The following ENDOU variants were observed in gnomAD, a reference collection of about 807,000 sequenced individuals.
ENDOU encodes endonuclease, poly(U) specific, also known as uridylate-specific endoribonuclease.
Under a neutral mutation model 54.2 loss-of-function variants are expected in ENDOU, and 49 were observed. That is an observed-to-expected ratio of 0.90 (90% CI 0.72 to 1.15). The LOEUF (loss-of-function observed/expected upper bound fraction) is 1.15. Ranked by LOEUF, ENDOU falls within the 50% of genes most tolerant of loss-of-function variation. The pLI is 0.00. For synonymous variants in ENDOU, 172 were observed against 190.5 expected (o/e 0.90, Z 0.80); for missense variants, 458 against 511.4 (o/e 0.90, Z 1.01).
Position 47,716,342 on chromosome 12 carries a change from T to A in ENDOU, c.709A>T (p.Thr237Ser), listed in dbSNP as rs770480566. Residue 237 changes from threonine to serine, a missense_variant, in exon 6 of 10, where the codon ACA becomes TCA. By Grantham distance (58) the Thr-to-Ser change is moderately conservative. Coordinates refer to ENST00000422538, the MANE Select transcript of ENDOU (RefSeq NM_001172439.2). ...CTGTAGAGCTCCTTCATGACTGCTG[T>A]CTTCATGATCTCTCTGAGGAAGGCG... ...QDAFLREIMK[T>S]AVMKELYSFL... 1 of 1,614,164 alleles carries A rather than the reference T, an allele frequency of 6.2e-7. No individual in the cohort carries two copies. Among genetic ancestry groups the A allele is most frequent in the East Asian group, 2.2e-5 (1 of 44,884 alleles).
In ENDOU at chr12:47,723,802, C is replaced by A. The variant is rs771312305; in HGVS notation, c.55+1557G>T. Among the ~76,000 whole-genome samples, 13 of 152,224 alleles carry A rather than the reference C, an allele frequency of 8.5e-5. No individual in the cohort carries two copies. In the East Asian group the frequency reaches 1.3e-3, roughly 16 times the overall value. ...CATGGAGACCTAGTCAACCAAGAAGCCTCACCCCTTGGACTAGCTTCCTGC... is the reference window on the plus strand; with the variant it reads ...CATGGAGACCTAGTCAACCAAGAAGACTCACCCCTTGGACTAGCTTCCTGC... On this transcript the variant is annotated intron_variant, in intron 1 of 9. Coordinates refer to ENST00000422538, the MANE Select transcript of ENDOU (RefSeq NM_001172439.2).
At chr12:47,720,500 G>C (rs1940395821) in intron 2 of ENDOU, 1 of 353,048 alleles carries the variant, frequency 2.8e-6, no homozygotes, top group South Asian at 1.1e-4. Context: ...AAACTTTCAA[G>C]ATATTGTTAA....
chr12:47,710,706 ATCCCT>A lies in ENDOU; in HGVS notation c.*91_*95del. 1.2e-6 allele frequency: 1 copy of A among 813,260 alleles called. No individual in the cohort carries two copies. The highest frequency in any genetic ancestry group is 1.7e-5 in the African/African-American group (1 of 59,314). 50.4% of individuals were successfully genotyped at this position (813,260 alleles called of 1,614,324 possible). ...CTTCTCATTGCTTTGAGATTTGGTG[ATCCCT>A]TCCAGTCCTCTCCCTCTTCTCTCTA... On this transcript the variant is annotated 3_prime_UTR_variant, in exon 10 of 10. Transcript: ENST00000422538.
Position 47,716,510 on chromosome 12 carries a change from C to T in ENDOU, c.552-11G>A, listed in dbSNP as rs748782871. ...ACATAAGTGAAGAGTCTGGGGGAGG[C>T]AGAGGGGAGCCCCACTGAGAGCCCC... On this transcript the variant is annotated splice_polypyrimidine_tract_variant and intron_variant, in intron 5 of 9. Coordinates refer to ENST00000422538, the MANE Select transcript of ENDOU (RefSeq NM_001172439.2). 6.2e-7 allele frequency: 1 copy of T among 1,612,328 alleles called. No homozygotes were observed. The highest frequency in any genetic ancestry group is 8.5e-7 in the Non-Finnish European group (1 of 1,179,590).
In ENDOU at chr12:47,711,686, AG is replaced by A; in HGVS notation, c.1061del (p.Pro354LeufsTer22). Reference sequence around the variant, plus strand: ...GGGAGTAGAGTGCAAACTCAAACTCAGGGCTGCTGCCGATGAAAGCAGAGCC... The same window carrying A: ...GGGAGTAGAGTGCAAACTCAAACTCAGGCTGCTGCCGATGAAAGCAGAGCC... ...EVGSAFIGSS[P>X]EFEFALYSLC... On this transcript the variant is annotated frameshift_variant, in exon 9 of 10. Transcript: ENST00000422538. LOFTEE classifies it high-confidence loss of function. The A allele has an allele frequency of 1.2e-6, 2 of 1,614,138 alleles. No individual in the cohort carries two copies. The highest frequency in any genetic ancestry group is 1.7e-6 in the Non-Finnish European group (2 of 1,180,006).
rs531114209 is a variant in ENDOU at position 47,720,575 on chromosome 12, C to G, written c.178+178G>C. 1.8e-4 allele frequency: 89 copies of G among 490,130 alleles called. 2 individuals are homozygous for G. The highest frequency in any genetic ancestry group is 1.4e-3 in the East Asian group (40 of 29,452). The allele number at this position is 490,130 out of a possible 1,614,324, so 30.4% of individuals were successfully genotyped here. On this transcript the variant is annotated intron_variant, in intron 2 of 9. Transcript: ENST00000422538. Reference sequence around the variant, plus strand: ...TACTGTATTTTAAGTTGGGGGCATCCTAGAAAACCTGAGAAAAGTGGTGGC... The same window carrying G: ...TACTGTATTTTAAGTTGGGGGCATCGTAGAAAACCTGAGAAAAGTGGTGGC...
rs764093351 is a variant in ENDOU, at chr12:47,711,775, A to G, written c.973T>C (p.Trp325Arg). 5 of 1,613,990 alleles carry G rather than the reference A, an allele frequency of 3.1e-6. No homozygotes were observed. The highest frequency in any genetic ancestry group is 1.7e-5 in the Admixed American group (1 of 60,012). ...DYYSHIYDGP[W>R]DSYPDVLAMQ... ...GCCAGCACATCGGGGTAAGAATCCCACTGTGGAGGGAAGGGCAGAAAAGGG... is the reference window on the plus strand; with the variant it reads ...GCCAGCACATCGGGGTAAGAATCCCGCTGTGGAGGGAAGGGCAGAAAAGGG... The change falls in exon 9 of 10, where the codon TGG becomes CGG. Residue 325 changes from tryptophan (W) to arginine (R), a missense_variant and splice_region_variant. Coordinates refer to ENST00000422538, the MANE Select transcript of ENDOU (RefSeq NM_001172439.2).
chr12:47,725,165 A>G (rs1940546024), intron 1 of ENDOU, among the ~76,000 whole-genome samples, 194 bp downstream of exon 1: 1 of 152,196 alleles, frequency 6.6e-6, no homozygotes, highest in African/African-American at 2.4e-5. Context: ...CTCTCTCCAC[A>G]TAGTCCAGTC....
At chr12:47,717,891 C>T in intron 3 of ENDOU, 1 of 607,528 alleles carries the variant, frequency 1.6e-6, no homozygotes, top group Non-Finnish European at 2.9e-6. Context: ...AAAATAAAAT[C>T]TCTTCCACTT....
intron 6 of ENDOU, among the ~76,000 whole-genome samples, chr12:47,713,709 A>G (rs185984816): frequency 6.9e-6 from 1 of 145,138 alleles, no homozygotes; most frequent in Admixed American, 7.0e-5. Context: ...AGTAGCCCGT[A>G]ATGACGGGAA....
chr12:47,716,274 T>C, intron 6 of ENDOU, 26 bp downstream of exon 6: 1 of 1,612,300 alleles, frequency 6.2e-7, no homozygotes. Context: ...ACTCATGCGC[T>C]CTGGGGCCTG....
At chr12:47,714,353 G>A (rs977044662) in intron 6 of ENDOU, among the ~76,000 whole-genome samples, 2 of 152,236 alleles carry the variant, frequency 1.3e-5, no homozygotes, top group Non-Finnish European at 2.9e-5. Flanking sequence ...GGAATTGTAT[G>A]ATAGGACCTT....
At chr12:47,718,272 C>T in intron 2 of ENDOU, 78 bp from the exon 3 acceptor site, 3 of 1,372,766 alleles carry the variant, frequency 2.2e-6, no homozygotes, top group Non-Finnish European at 3.0e-6. Flanking sequence ...CTCTGTTTCC[C>T]CAGCCTCAGG....
intron 8 of ENDOU, among the ~76,000 whole-genome samples, chr12:47,712,000 G>A (rs901885621): frequency 5.9e-5 from 9 of 152,130 alleles, no homozygotes; most frequent in Admixed American, 5.2e-4. Flanking sequence ...ACATCTACCA[G>A]AAAGGCCAAA....
Position 47,713,399 on chromosome 12 carries a change from A to G in ENDOU, c.752-11T>C, listed in dbSNP as rs369075590. The G allele has an allele frequency of 1.2e-6, 2 of 1,607,420 alleles. No homozygotes were observed. Among genetic ancestry groups the G allele is most frequent in the Non-Finnish European group, 1.7e-6 (2 of 1,173,984 alleles). ...CTGAGCCATAGCGATCTGCAGAGGA[A>G]CACAAAGGGTTTTGGAGAGGGGAGG... On this transcript the variant is annotated splice_polypyrimidine_tract_variant and intron_variant, in intron 6 of 9. Coordinates refer to ENST00000422538, the MANE Select transcript of ENDOU (RefSeq NM_001172439.2).
intron 2 of ENDOU, 132 bp from the exon 3 acceptor site, chr12:47,718,326 G>C: frequency 1.5e-6 from 1 of 685,768 alleles, no homozygotes; most frequent in East Asian, 2.8e-5. Flanking sequence ...CAGGGGCTGG[G>C]GTCCAATGGA....
At chr12:47,712,441 A>T (rs536090761) in intron 8 of ENDOU, 75 bp downstream of exon 8, 85 of 996,576 alleles carry the variant, frequency 8.5e-5, no homozygotes, top group Non-Finnish European at 1.3e-4. Flanking sequence ...CTGAGAGGCA[A>T]GTCGACAGTT....
chr12:47,715,613 G>A (rs1449542436), intron 6 of ENDOU, among the ~76,000 whole-genome samples: 4 of 152,208 alleles, frequency 2.6e-5, no homozygotes, highest in Non-Finnish European at 5.9e-5. Flanking sequence ...GGGACAACGA[G>A]GGAAGACCCG....
chr12:47,716,197 CCCCA>C (rs1940223966), intron 6 of ENDOU, 99 bp downstream of exon 6: 1 of 1,112,610 alleles, frequency 9.0e-7, no homozygotes, highest in East Asian at 2.4e-5. Context: ...TCCACAGAGT[CCCCA>C]CCGCCTCCTC....
Sources: gnomAD v4.1 joint callset for allele counts (sites outside exome capture counted in the v4.1 genomes callset) on GRCh38, gnomAD v4.1.1 for gene constraint, MANE v1.5 for transcripts, NCBI Gene and HGNC (gene_info 2026-07-23, HGNC 2026-07-21) for gene names.